The following ARHGAP32 variants were observed in gnomAD, a reference collection of about 807,000 sequenced individuals.
The protein encoded by ARHGAP32 is rho GTPase-activating protein 32.
In ARHGAP32, 51 loss-of-function variants were observed where a neutral mutation model predicts 186.5. The ratio of observed to expected loss-of-function variants is 0.27; its 90% CI spans 0.22 to 0.35. ARHGAP32 has a LOEUF of 0.35. Among genes scored for constraint, ARHGAP32 ranks in the 10% least tolerant of loss-of-function variants. ARHGAP32 has a pLI of 1.00. For synonymous variants in ARHGAP32, 950 were observed against 964.3 expected (o/e 0.99, Z 0.27); for missense variants, 2,186 against 2,623.5 (o/e 0.83, Z 3.64).
Position 128,972,386 on chromosome 11 carries a change from CCTG to C in ARHGAP32, c.4053+64_4053+66del, listed in dbSNP as rs576206989. On this transcript the variant is annotated intron_variant, in intron 22 of 22. Coordinates refer to ENST00000682385, the MANE Select transcript of ARHGAP32 (RefSeq NM_001378024.1). The stretch of plus-strand genomic sequence containing the variant: ...GTCTGACTCAAAGATAACAACACAC[CCTG>C]CTGAAAAGTGACATACCTTTGGTAA... 1.7e-3 allele frequency: 2,492 copies of C among 1,460,946 alleles called. 2 individuals are homozygous for C. Among genetic ancestry groups the C allele is most frequent in the Non-Finnish European group, 2.1e-3 (2,309 of 1,100,228 alleles). 90.5% of individuals were successfully genotyped at this position (1,460,946 alleles called of 1,614,324 possible).
At chr11:128,995,554 C>T (rs907432628) in intron 12 of ARHGAP32, among the ~76,000 whole-genome samples, 1 of 152,162 alleles carries the variant, frequency 6.6e-6, no homozygotes, top group African/African-American at 2.4e-5. Flanking sequence ...AGAACATTCC[C>T]CTGTATGGGT....
intron 11 of ARHGAP32, among the ~76,000 whole-genome samples, chr11:129,031,017 A>C (rs1939090044): frequency 6.6e-6 from 1 of 152,174 alleles, no homozygotes; most frequent in South Asian, 2.1e-4. Flanking sequence ...CTAGAAGCCG[A>C]GCAGATGCCA....
At chr11:129,169,505 C>T (rs930685349) in intron 1 of ARHGAP32, among the ~76,000 whole-genome samples, 2 of 151,806 alleles carry the variant, frequency 1.3e-5, no homozygotes, top group African/African-American at 4.8e-5. Flanking sequence ...GTGGCGGGCG[C>T]CTATAGTCCC....
At chr11:129,267,300 G>A (rs1376694575) in intron 1 of ARHGAP32, among the ~76,000 whole-genome samples, 1 of 152,114 alleles carries the variant, frequency 6.6e-6, no homozygotes, top group Non-Finnish European at 1.5e-5. Flanking sequence ...GGAGGCGGAG[G>A]TTTCAGTAAG....
intron 5 of ARHGAP32, among the ~76,000 whole-genome samples, chr11:129,097,391 G>A (rs1189891189): frequency 2.0e-5 from 3 of 152,200 alleles, no homozygotes; most frequent in African/African-American, 7.2e-5. Context: ...CTATCTTAAA[G>A]ATGTTCGAAG....
chr11:129,184,524 G>C (rs1261941948), intron 1 of ARHGAP32, among the ~76,000 whole-genome samples: 1 of 151,952 alleles, frequency 6.6e-6, no homozygotes, highest in Non-Finnish European at 1.5e-5. Context: ...GATGAAATTA[G>C]CTAAGAGAAC....
chr11:129,191,665 G>T (rs1191907454), intron 1 of ARHGAP32, among the ~76,000 whole-genome samples: 1 of 82,834 alleles, frequency 1.2e-5, no homozygotes, highest in Admixed American at 1.3e-4. Flanking sequence ...CAGGCAGGCA[G>T]GCACGCACAC....
Position 129,192,135 on chromosome 11 carries a change from C to A in ARHGAP32, c.64G>T (p.Val22Phe). The A allele has an allele frequency of 6.2e-7, 1 of 1,613,870 alleles. No homozygotes were observed. The highest frequency in any genetic ancestry group is 1.1e-5 in the South Asian group (1 of 91,076). The change falls in exon 1 of 23, where the codon GTT becomes TTT. Residue 22 changes from valine to phenylalanine, a missense_variant. Val to Phe is a conservative substitution (Grantham distance 50). Coordinates refer to ENST00000682385, the MANE Select transcript of ARHGAP32 (RefSeq NM_001378024.1). ...TCACAGTCAGTCACCTGGATTATAA[C>A]TTCAGACTCCAACCAGAAGACACTG... ...DDSVFWLESEVIIQVTDCEEE... is the reference protein window; with the variant it reads ...DDSVFWLESEFIIQVTDCEEE...
At chr11:128,989,843 G>A (rs548155046) in intron 12 of ARHGAP32, among the ~76,000 whole-genome samples, 1 of 152,036 alleles carries the variant, frequency 6.6e-6, no homozygotes, top group African/African-American at 2.4e-5. Flanking sequence ...AGTTTGCTGA[G>A]AATGATGGCT....
At chr11:129,174,945 T>C (rs1279577856) in intron 1 of ARHGAP32, among the ~76,000 whole-genome samples, 1 of 146,344 alleles carries the variant, frequency 6.8e-6, no homozygotes, top group Admixed American at 7.0e-5. Context: ...GGATGGAGAA[T>C]GACTTTGACG....
At chr11:129,142,799 C>A (rs551994636) in intron 2 of ARHGAP32, among the ~76,000 whole-genome samples, 2 of 151,392 alleles carry the variant, frequency 1.3e-5, no homozygotes, top group African/African-American at 4.8e-5. Flanking sequence ...ATAAGGCTAA[C>A]AAAAAGCATC....
chr11:128,992,136 A>G (rs1565362076), intron 12 of ARHGAP32, among the ~76,000 whole-genome samples: 1 of 152,192 alleles, frequency 6.6e-6, no homozygotes, highest in African/African-American at 2.4e-5. Flanking sequence ...TTCTGGTGTT[A>G]TCTGGGCCTT....
chr11:129,003,017 C>T (rs1448510065), intron 11 of ARHGAP32, among the ~76,000 whole-genome samples: 1 of 152,078 alleles, frequency 6.6e-6, no homozygotes, highest in African/African-American at 2.4e-5. Flanking sequence ...ACCTTGGTCT[C>T]GATCTCCTGA....
In ARHGAP32 at chr11:129,062,283, G is replaced by A; in HGVS notation, c.960C>T (p.Phe320=). 6.2e-7 allele frequency: 1 copy of A among 1,613,132 alleles called. No homozygotes were observed. Among genetic ancestry groups the A allele is most frequent in the Non-Finnish European group, 8.5e-7 (1 of 1,179,432 alleles). The change falls in exon 10 of 23, where the codon TTC becomes TTT. Residue 320 remains phenylalanine, a synonymous_variant. Transcript: ENST00000682385. The part of the protein sequence containing the change: ...LSTWWRGKHG[F]QVGLFPGHCV... ...CACCTAATTTGCTGCTGCCTACCTG[G>A]AATCCGTGCTTGCCTCTCCACCATG...
chr11:129,222,552 T>C (rs1460232270), intron 1 of ARHGAP32, among the ~76,000 whole-genome samples: 1 of 152,202 alleles, frequency 6.6e-6, no homozygotes, highest in African/African-American at 2.4e-5. Context: ...CCAGAAAGGT[T>C]ATATCCAGGG....
intron 21 of ARHGAP32, chr11:128,973,888 T>C (rs1240026932): frequency 3.6e-6 from 2 of 557,696 alleles, no homozygotes; most frequent in South Asian, 2.8e-5. Flanking sequence ...ATTCTCACCG[T>C]CCAAAGAGAT....
At chr11:129,090,542 C>T (rs1941544628) in intron 6 of ARHGAP32, among the ~76,000 whole-genome samples, 1 of 152,018 alleles carries the variant, frequency 6.6e-6, no homozygotes, top group African/African-American at 2.4e-5. Flanking sequence ...ACATTAAAAT[C>T]CTAAGTATTT....
At chr11:129,226,409 A>G (rs889685363) in intron 1 of ARHGAP32, among the ~76,000 whole-genome samples, 2 of 152,182 alleles carry the variant, frequency 1.3e-5, no homozygotes, top group African/African-American at 2.4e-5. Flanking sequence ...CATAAGATTA[A>G]CAGCTGGTTT....
intron 10 of ARHGAP32, among the ~76,000 whole-genome samples, chr11:129,057,765 T>C (rs958908724): frequency 6.6e-6 from 1 of 150,938 alleles, no homozygotes; most frequent in African/African-American, 2.4e-5. Flanking sequence ...ACGTTGTTCA[T>C]GGATTAACTG....
Sources: gnomAD v4.1 joint callset for allele counts (sites outside exome capture counted in the v4.1 genomes callset) on GRCh38, gnomAD v4.1.1 for gene constraint, MANE v1.5 for transcripts, NCBI Gene and HGNC (gene_info 2026-07-23, HGNC 2026-07-21) for gene names.